Variants in RNF166 observed in about 807,000 individuals in gnomAD.
RNF166 encodes the protein E3 ubiquitin-protein ligase RNF166.
A neutral mutation model predicts 29.4 loss-of-function variants in RNF166; 19 were observed. That is an observed-to-expected ratio of 0.65 (90% confidence interval 0.45 to 0.95). The LOEUF is 0.95. Among genes scored for constraint, RNF166 ranks in the 40% least tolerant of loss-of-function variants. The pLI is 0.00. For synonymous variants in RNF166, 171 were observed against 134.5 expected (o/e 1.27, Z -1.88); for missense variants, 347 against 322.1 (o/e 1.08, Z -0.59).
At chr16:88,706,125 G>A in intron 1 of RNF166, 46 bp downstream of exon 1, 1 of 1,109,896 alleles carries the variant, frequency 9.0e-7, no homozygotes, top group South Asian at 4.3e-5. Context: ...CCCTCCCGCG[G>A]CGGGGCACGG....
rs576320390 is a variant in RNF166 at position 88,701,567 on chromosome 16, T to TATGTCCGGGG, written c.156-150_156-149insCCCCGGACAT. ...TGTCGCCGTCTCTGGAGATGGTCAC[T>TATGTCCGGGG]CCTATGTCCGGGGCCCACCAGCTGG... On this transcript the variant is annotated intron_variant, in intron 1 of 5. Coordinates refer to ENST00000312838, the MANE Select transcript of RNF166 (RefSeq NM_178841.4). 2.0e-4 allele frequency: 148 copies of TATGTCCGGGG among 753,786 alleles called. 1 individual carries two copies. In the African/African-American group the frequency reaches 2.3e-3, roughly 12 times the overall value. 46.7% of individuals were successfully genotyped at this position (753,786 alleles called of 1,614,324 possible).
intron 1 of RNF166, chr16:88,704,154 G>A (rs934575390): frequency 1.0e-6 from 1 of 985,484 alleles, no homozygotes; most frequent in Non-Finnish European, 1.2e-6. Flanking sequence ...AGCTTGCGGA[G>A]GGGACAGAAC....
intron 1 of RNF166, among the ~76,000 whole-genome samples, chr16:88,704,860 G>T (rs1159371324): frequency 2.0e-5 from 3 of 152,118 alleles, no homozygotes; most frequent in African/African-American, 7.2e-5. Flanking sequence ...CGTGGTGGCG[G>T]GTGCCTGTAA....
intron 1 of RNF166, chr16:88,703,748 G>T (rs1910500479): frequency 1.0e-6 from 1 of 985,502 alleles, no homozygotes; most frequent in South Asian, 4.7e-5. Context: ...AAAGGGAGGG[G>T]CGATCGCGCA....
chr16:88,701,851 A>C (rs1910272475), intron 1 of RNF166, among the ~76,000 whole-genome samples: 1 of 152,170 alleles, frequency 6.6e-6, no homozygotes, highest in Admixed American at 6.5e-5. Context: ...AAAACCTCAA[A>C]CAATCGTGGG....
intron 1 of RNF166, chr16:88,703,679 GCTTCTCAGC>G (rs1444066573): frequency 1.0e-6 from 1 of 985,398 alleles, no homozygotes; most frequent in Non-Finnish European, 1.2e-6. Context: ...GTGCTGAGCA[GCTTCTCAGC>G]TGAAGGAAGT....
At chr16:88,701,588 G>T in intron 1 of RNF166, 170 bp from the exon 2 acceptor site, 1 of 635,580 alleles carries the variant, frequency 1.6e-6, no homozygotes, top group Non-Finnish European at 2.6e-6. Flanking sequence ...GGGCCCACCA[G>T]CTGGATGGGC....
chr16:88,704,201 G>T (rs1429034038), intron 1 of RNF166: 1 of 985,364 alleles, frequency 1.0e-6, no homozygotes, highest in Non-Finnish European at 1.2e-6. Context: ...AACCTGAAGA[G>T]CCTTTAAACT....
chr16:88,699,281 C>G (rs945618597), intron 3 of RNF166, among the ~76,000 whole-genome samples, 196 bp from the exon 4 acceptor site: 7 of 152,262 alleles, frequency 4.6e-5, no homozygotes, highest in African/African-American at 1.2e-4. Flanking sequence ...CCACCCCACA[C>G]AACTAGGCCA....
intron 1 of RNF166, chr16:88,703,754 G>A (rs557691918): frequency 1.0e-4 from 101 of 985,372 alleles, no homozygotes; most frequent in East Asian, 9.1e-4. Context: ...AGGGGCGATC[G>A]CGCACTGGCC....
chr16:88,706,041 C>T, intron 1 of RNF166, 130 bp downstream of exon 1: 1 of 476,284 alleles, frequency 2.1e-6, no homozygotes, highest in Non-Finnish European at 2.8e-6. Context: ...CCCCACGCGC[C>T]CCGAGGCCCC....
intron 1 of RNF166, chr16:88,703,370 G>A (rs1183522335): frequency 1.0e-6 from 1 of 985,410 alleles, no homozygotes; most frequent in South Asian, 4.7e-5. Context: ...GGGCTGAGGG[G>A]AAGGAAAAGG....
chr16:88,706,179 G>A lies in RNF166; in HGVS notation c.147C>T (p.Cys49=), dbSNP rs1427444078. The change falls in exon 1 of 6, where the codon TGC becomes TGT. Residue 49 remains cysteine, a synonymous_variant. Coordinates refer to ENST00000312838, the MANE Select transcript of RNF166 (RefSeq NM_178841.4). ...TGGGCGGGCGCGCTCACGTGTGGCCGCAGCTGCCGATGGCCACGGGCCGGT... is the reference window on the plus strand; with the variant it reads ...TGGGCGGGCGCGCTCACGTGTGGCCACAGCTGCCGATGGCCACGGGCCGGT... ...VYHRPVAIGS[C]GHTFCGECLQ... is the part of the protein sequence containing the mutation. The A allele has an allele frequency of 7.9e-7, 1 of 1,267,144 alleles. No individual in the cohort carries two copies. Among genetic ancestry groups the A allele is most frequent in the South Asian group, 2.1e-5 (1 of 47,682 alleles). 78.5% of individuals were successfully genotyped at this position (1,267,144 alleles called of 1,614,324 possible).
intron 2 of RNF166, 194 bp downstream of exon 2, chr16:88,701,068 G>A (rs1007644537): frequency 7.2e-5 from 94 of 1,301,794 alleles, no homozygotes; most frequent in African/African-American, 1.5e-4. Context: ...CCCGTCAGCC[G>A]TCACCACAGG....
chr16:88,703,156 A>G (rs1398632173), intron 1 of RNF166: 1 of 985,408 alleles, frequency 1.0e-6, no homozygotes, highest in Non-Finnish European at 1.2e-6. Context: ...AGCAGAGAGA[A>G]ACCCAGTGAC....
rs910727541 is a variant in RNF166 at position 88,700,844 on chromosome 16, G to A, written c.312+418C>T. 5 of 1,060,912 alleles carry A rather than the reference G, an allele frequency of 4.7e-6. No homozygotes were observed. In the African/African-American group the frequency reaches 8.6e-5, roughly 18 times the overall value. 65.7% of individuals were successfully genotyped at this position (1,060,912 alleles called of 1,614,324 possible). A position where few individuals can be genotyped will look rare whatever the true frequency, so the allele number is the denominator to read the frequency against. ...CCGGCTCTGGCCCTCCTGGCAGCTG[G>A]AGGGTGCTCGGCCCTTAGATGTCCT... On this transcript the variant is annotated intron_variant, in intron 2 of 5. Coordinates refer to ENST00000312838, the MANE Select transcript of RNF166 (RefSeq NM_178841.4).
At chr16:88,702,466 G>A (rs376308844) in intron 1 of RNF166, among the ~76,000 whole-genome samples, 41 of 152,190 alleles carry the variant, frequency 2.7e-4, no homozygotes, top group African/African-American at 7.2e-4. Flanking sequence ...GTTCACAAAC[G>A]ACTCAGCTGA....
Position 88,706,402 on chromosome 16 carries a change from C to T in RNF166, c.-77G>A. 1 of 1,223,610 alleles carries T rather than the reference C, an allele frequency of 8.2e-7. No individual in the cohort carries two copies. The highest frequency in any genetic ancestry group is 1.0e-6 in the Non-Finnish European group (1 of 972,682). The allele number at this position is 1,223,610 out of a possible 1,614,324, so 75.8% of individuals were successfully genotyped here. A position where few individuals can be genotyped will look rare whatever the true frequency, so the allele number is the denominator to read the frequency against. Reference sequence around the variant, plus strand: ...CCCGCTAGTCACAGCCGCTACTGCGCCGCGCTGACGTCATCGTAGGGCGCC... The same window carrying T: ...CCCGCTAGTCACAGCCGCTACTGCGTCGCGCTGACGTCATCGTAGGGCGCC... On this transcript the variant is annotated 5_prime_UTR_variant, in exon 1 of 6. Coordinates refer to ENST00000312838, the MANE Select transcript of RNF166 (RefSeq NM_178841.4).
chr16:88,700,783 C>G (rs887941111), intron 2 of RNF166: 5 of 1,013,666 alleles, frequency 4.9e-6, no homozygotes, highest in South Asian at 3.5e-5. Context: ...CAGGCCCTTA[C>G]GCTGCTCTGA....
Sources: allele counts gnomAD v4.1 joint callset (sites outside exome capture counted in the v4.1 genomes callset), GRCh38; gene constraint gnomAD v4.1.1; transcripts MANE v1.5; gene names NCBI Gene and HGNC (gene_info 2026-07-23, HGNC 2026-07-21).